NXN: variants seen among roughly 807,000 people sequenced by gnomAD.
NXN encodes the protein nucleoredoxin 1.
A neutral mutation model predicts 48.6 loss-of-function variants in NXN; 16 were observed. The ratio of observed to expected loss-of-function variants is 0.33; its 90% CI spans 0.22 to 0.50. The LOEUF is 0.50. NXN is among the 20% of genes least tolerant of loss of function. The probability of loss-of-function intolerance (pLI) is 0.98; values close to 1 mark genes in which losing one functional copy is unlikely to be tolerated. For missense variants in NXN, 492 were observed against 605.5 expected (o/e 0.81, Z 1.97); for synonymous variants, 281 against 269.6 (o/e 1.04, Z -0.41).
Position 805,200 on chromosome 17 carries a change from G to A in NXN, c.868C>T (p.Arg290Trp), listed in dbSNP as rs1327405274. The A allele has an allele frequency of 1.2e-6, 2 of 1,611,784 alleles. No homozygotes were observed. Among genetic ancestry groups the A allele is most frequent in the Non-Finnish European group, 1.7e-6 (2 of 1,179,528 alleles). The change falls in exon 6 of 8, where the codon CGG (arginine) becomes TGG (tryptophan). Residue 290 changes from arginine (R) to tryptophan (W), a missense_variant. Arg to Trp is a moderately radical substitution (Grantham distance 101, BLOSUM62 -3). Around this residue, in one of 3 missense-constraint regions of NXN, gnomAD observed 303 missense variants for 388.3 expected, o/e 0.78. Transcript: ENST00000336868. Reference protein sequence around the residue: ...MLDPQGEVITRQGRVEVLNDE... With the variant: ...MLDPQGEVITWQGRVEVLNDE... ...TTCAGCACCTCCACCCGCCCCTGCC[G>A]CGTGATCACCTCGCCCTGCGGGTCC...
At chr17:941,133 T>C (rs71357137) in intron 1 of NXN, among the ~76,000 whole-genome samples, 12 of 68,008 alleles carry the variant, frequency 1.8e-4, no homozygotes, top group South Asian at 5.2e-4. Flanking sequence ...GGATTTACAG[T>C]GAACAAGATT....
At chr17:894,951 TC>T (rs2068460340) in intron 1 of NXN, among the ~76,000 whole-genome samples, 2 of 147,330 alleles carry the variant, frequency 1.4e-5, no homozygotes, top group East Asian at 4.1e-4. Flanking sequence ...ATCCTGGCTC[TC>T]CCTGATTGCC....
intron 1 of NXN, among the ~76,000 whole-genome samples, chr17:896,340 C>CA (rs34491878): frequency 0.5 from 67,902 of 134,618 alleles, 17,822 homozygotes; most frequent in African/African-American, 0.73. Flanking sequence ...AACTCCATCT[C>CA]AAAAAAAAAA....
intron 1 of NXN, among the ~76,000 whole-genome samples, chr17:960,016 CG>C (rs1256243761): frequency 6.6e-6 from 1 of 151,928 alleles, no homozygotes; most frequent in South Asian, 2.1e-4. Flanking sequence ...CGCTTGAACC[CG>C]GGGGGCAGAG....
intron 4 of NXN, 21 bp downstream of exon 4, chr17:822,336 G>T: frequency 6.4e-7 from 1 of 1,559,010 alleles, no homozygotes; most frequent in Non-Finnish European, 8.8e-7. Flanking sequence ...AAGGGGCCCA[G>T]CACTTCACGG....
chr17:849,331 G>C lies in NXN; in HGVS notation c.361-23253C>G, dbSNP rs1414101477. Reference sequence around the variant, plus strand: ...GTGGGTCACCTGAGGTCAGGAGTTAGAGACCACCCTGGCAAACAGGGTGAA... The same window carrying C: ...GTGGGTCACCTGAGGTCAGGAGTTACAGACCACCCTGGCAAACAGGGTGAA... On this transcript the variant is annotated intron_variant, in intron 1 of 7. Coordinates refer to ENST00000336868, the MANE Select transcript of NXN (RefSeq NM_022463.5). This position sits in a 1 kb window ranked among gnomAD's most constrained non-coding sequence, Gnocchi z 4.2. 2.0e-5 allele frequency among the ~76,000 whole-genome samples: 3 copies of C among 152,186 alleles called. No homozygotes were observed. Among genetic ancestry groups the C allele is most frequent in the Non-Finnish European group, 4.4e-5 (3 of 68,036 alleles).
intron 1 of NXN, among the ~76,000 whole-genome samples, chr17:890,196 TCATGCA>T (rs535613175): frequency 2.2e-3 from 329 of 151,854 alleles, no homozygotes; most frequent in African/African-American, 7.6e-3. Context: ...CCAGCAACTC[TCATGCA>T]CATCAAATGC....
chr17:971,659 G>A (rs1011114359), intron 1 of NXN, among the ~76,000 whole-genome samples: 1 of 151,790 alleles, frequency 6.6e-6, no homozygotes, highest in African/African-American at 2.4e-5. Flanking sequence ...GCAGTCAGCC[G>A]AGATCGCGCC....
intron 1 of NXN, among the ~76,000 whole-genome samples, chr17:842,887 C>G (rs567830652): frequency 2.6e-5 from 4 of 151,556 alleles, no homozygotes; most frequent in Non-Finnish European, 4.4e-5. Context: ...TGCGGTAAGC[C>G]GAGATCGCGC....
intron 1 of NXN, chr17:908,137 G>A (rs1168245746): frequency 1.3e-5 from 2 of 152,208 alleles, no homozygotes; most frequent in Non-Finnish European, 2.9e-5. Flanking sequence ...TTAACTGAGT[G>A]TTCCCCAGAG....
At chr17:843,005 AG>A (rs1454667538) in intron 1 of NXN, among the ~76,000 whole-genome samples, 7 of 76,628 alleles carry the variant, frequency 9.1e-5, no homozygotes, top group African/African-American at 3.8e-4. Flanking sequence ...AGAGAGAAAG[AG>A]AGAAAGAAAG....
intron 1 of NXN, among the ~76,000 whole-genome samples, chr17:890,509 G>A (rs1191872982): frequency 6.6e-6 from 1 of 151,500 alleles, no homozygotes; most frequent in Non-Finnish European, 1.5e-5. Flanking sequence ...CAGTAGCTAG[G>A]ACTTACAGAC....
intron 1 of NXN, among the ~76,000 whole-genome samples, chr17:921,035 T>C (rs77054359): frequency 0.049 from 7,501 of 152,206 alleles, 226 homozygotes; most frequent in Middle Eastern, 0.13. Context: ...ATGTGACCTT[T>C]ATATGTTTCT....
chr17:866,227 A>G (rs7218037), intron 1 of NXN, among the ~76,000 whole-genome samples: 24,075 of 152,130 alleles, frequency 0.16, 2,536 homozygotes, highest in African/African-American at 0.29. Flanking sequence ...TTGTAAATAG[A>G]ACAGACAATA....
chr17:940,202 G>A (rs2068955641), intron 1 of NXN, among the ~76,000 whole-genome samples: 1 of 151,756 alleles, frequency 6.6e-6, no homozygotes, highest in South Asian at 2.1e-4. Flanking sequence ...CCAAAGTGCT[G>A]GAATTACAGG....
At chr17:916,354 C>T (rs1445310315) in intron 1 of NXN, among the ~76,000 whole-genome samples, 1 of 152,296 alleles carries the variant, frequency 6.6e-6, no homozygotes, top group East Asian at 1.9e-4. Flanking sequence ...ATTTAAAAGA[C>T]AATTTTCCCT....
At chr17:966,715 A>T (rs2069309052) in intron 1 of NXN, among the ~76,000 whole-genome samples, 1 of 148,852 alleles carries the variant, frequency 6.7e-6, no homozygotes, top group African/African-American at 2.5e-5. Flanking sequence ...AGGCCAAAAA[A>T]TTGGGCAACA....
intron 1 of NXN, among the ~76,000 whole-genome samples, chr17:903,954 A>G (rs959234835): frequency 1.3e-5 from 2 of 152,194 alleles, no homozygotes; most frequent in African/African-American, 4.8e-5. Flanking sequence ...TGTTTGTGGT[A>G]AAAGTCACTA....
intron 1 of NXN, among the ~76,000 whole-genome samples, chr17:894,785 G>A (rs1222687511): frequency 2.6e-5 from 4 of 152,174 alleles, no homozygotes; most frequent in Non-Finnish European, 4.4e-5. Flanking sequence ...ACGGTCCCCA[G>A]TTTTGCTAAA....
Sources: allele counts gnomAD v4.1 joint callset (sites outside exome capture counted in the v4.1 genomes callset), GRCh38; gene constraint gnomAD v4.1.1; regional missense constraint gnomAD v4.1.1; non-coding constraint Gnocchi (gnomAD v3.1); transcripts MANE v1.5; gene names NCBI Gene and HGNC (gene_info 2026-07-23, HGNC 2026-07-21).